The following RB1 variants were observed in gnomAD, a reference collection of about 807,000 sequenced individuals.
The protein encoded by RB1 is RB transcriptional corepressor 1.
A neutral mutation model predicts 135.4 loss-of-function variants in RB1; 18 were observed. The observed-to-expected ratio is 0.13, with a 90% CI of 0.09 to 0.20. RB1 has a LOEUF of 0.20. Among genes scored for constraint, RB1 ranks in the 10% least tolerant of loss-of-function variants. The pLI is 1.00. For synonymous variants in RB1, 365 were observed against 373.2 expected, an observed-to-expected ratio of 0.98 and a Z score of 0.25; for missense variants, 868 against 1,110.0, an observed-to-expected ratio of 0.78 and a Z score of 3.10.
Position 48,463,850 on chromosome 13 carries a change from A to G in RB1, c.2211+15A>G, listed in dbSNP as rs376465035. On this transcript the variant is annotated intron_variant, in intron 21 of 26. Transcript: ENST00000267163. ...CTGTTCAGGAGGTAGGTAATTTTCC[A>G]TAGTAAGTTTTTTTGATAAATCCAT... The G allele has an allele frequency of 5.8e-5, 87 of 1,512,014 alleles. No individual in the cohort carries two copies. The highest frequency in any genetic ancestry group is 1.7e-4 in the Middle Eastern group (1 of 5,824). 93.7% of individuals were successfully genotyped at this position (1,512,014 alleles called of 1,614,324 possible).
At chr13:48,396,628 A>C (rs1027121054) in intron 17 of RB1, among the ~76,000 whole-genome samples, 1 of 152,240 alleles carries the variant, frequency 6.6e-6, no homozygotes, top group Non-Finnish European at 1.5e-5. Context: ...AATGGCAACA[A>C]AAGCCAAAAT....
intron 19 of RB1, among the ~76,000 whole-genome samples, chr13:48,456,729 C>A (rs1949363001): frequency 6.6e-6 from 1 of 152,198 alleles, no homozygotes; most frequent in Admixed American, 6.5e-5. Context: ...CTGGCCATTG[C>A]CCACAGTCAG....
At chr13:48,389,075 G>A (rs182230801) in intron 17 of RB1, among the ~76,000 whole-genome samples, 215 of 152,168 alleles carry the variant, frequency 1.4e-3, no homozygotes, top group Non-Finnish European at 2.5e-3. Context: ...CATGAGAATC[G>A]CTTGAGCCCG....
chr13:48,462,475 G>T (rs1039990634), intron 20 of RB1, among the ~76,000 whole-genome samples: 1 of 151,998 alleles, frequency 6.6e-6, no homozygotes, highest in Non-Finnish European at 1.5e-5. Context: ...AACTGTAAGG[G>T]GTCATTATGT....
intron 7 of RB1, 38 bp from the exon 8 acceptor site, chr13:48,362,777 A>T (rs751003341): frequency 1.3e-6 from 2 of 1,584,506 alleles, no homozygotes; most frequent in South Asian, 2.2e-5. Context: ...TATATGATGG[A>T]TGTACAATTG....
intron 2 of RB1, among the ~76,000 whole-genome samples, chr13:48,327,680 G>A (rs1289398369): frequency 2.6e-5 from 4 of 152,186 alleles, no homozygotes; most frequent in Admixed American, 2.0e-4. Flanking sequence ...GCTATTCCTG[G>A]GAGCCAGACA....
At chr13:48,355,589 A>G (rs1952582974) in intron 6 of RB1, among the ~76,000 whole-genome samples, 1 of 152,172 alleles carries the variant, frequency 6.6e-6, no homozygotes, top group Non-Finnish European at 1.5e-5. Context: ...AACGAAAGGA[A>G]GTCAGTATAT....
rs561589135 is a variant in RB1 at position 48,442,367 on chromosome 13, A to AT, written c.1696-10620dup. 2.0e-4 allele frequency among the ~76,000 whole-genome samples: 30 copies of AT among 152,040 alleles called. 1 individual carries two copies. The South Asian group carries it at 5.4e-3, about 27-fold the overall frequency. On this transcript the variant is annotated intron_variant, in intron 17 of 26. Transcript: ENST00000267163. ...AGGCGCATGCAACCATGCCCGGCTA[A>AT]TTTTTTGTATTTTTTGTAGAGATGG...
intron 6 of RB1, 55 bp downstream of exon 6, chr13:48,349,078 G>A (rs553934083): frequency 5.2e-6 from 8 of 1,528,730 alleles, no homozygotes; most frequent in Admixed American, 1.8e-5. Flanking sequence ...AATTAAATTG[G>A]CATTCCTTTG....
chr13:48,444,262 A>G (rs1008636682), intron 17 of RB1, among the ~76,000 whole-genome samples: 1 of 152,184 alleles, frequency 6.6e-6, no homozygotes, highest in Non-Finnish European at 1.5e-5. Context: ...CAAGCCTGTA[A>G]TCCCAGCACT....
At chr13:48,376,877 A>T (rs200311543) in intron 12 of RB1, 41 bp from the exon 13 acceptor site, 2 of 1,611,516 alleles carry the variant, frequency 1.2e-6, no homozygotes, top group African/African-American at 2.7e-5. Flanking sequence ...TTCTGATTAC[A>T]CAGTATCCTC....
At chr13:48,442,597 C>A (rs1320235239) in intron 17 of RB1, among the ~76,000 whole-genome samples, 1 of 152,088 alleles carries the variant, frequency 6.6e-6, no homozygotes, top group African/African-American at 2.4e-5. Flanking sequence ...AGGAGGAAGA[C>A]CCTCACTGAA....
At chr13:48,435,932 C>CTAG (rs1949178827) in intron 17 of RB1, among the ~76,000 whole-genome samples, 1 of 152,120 alleles carries the variant, frequency 6.6e-6, no homozygotes, top group Non-Finnish European at 1.5e-5. Context: ...AATGTCAGTG[C>CTAG]TCTAAGCAGC....
rs78535436 is a variant in RB1 at position 48,390,351 on chromosome 13, A to G, written c.1695+8908A>G. 1.9e-3 allele frequency among the ~76,000 whole-genome samples: 284 copies of G among 152,330 alleles called. 11 individuals carry two copies. The East Asian group carries it at 0.044, about 23-fold the overall frequency. ...GTTTCACCTTAGAATTTCTGGAGAC[A>G]GAACATTTCTGGGTAGTTTACTGTA... On this transcript the variant is annotated intron_variant, in intron 17 of 26. Transcript: ENST00000267163.
At chr13:48,332,986 A>G in intron 2 of RB1, 1 of 398,320 alleles carries the variant, frequency 2.5e-6, no homozygotes, top group Non-Finnish European at 4.4e-6. Context: ...AATAAAAAGT[A>G]TGTGAATGTA....
intron 11 of RB1, among the ~76,000 whole-genome samples, chr13:48,370,209 A>G (rs1007427345): frequency 2.8e-4 from 42 of 152,198 alleles, no homozygotes; most frequent in Non-Finnish European, 2.4e-4. Flanking sequence ...ATTGTGAAAC[A>G]TGTAAGTGGA....
chr13:48,347,345 C>T (rs1225235293), intron 4 of RB1, among the ~76,000 whole-genome samples: 2 of 152,032 alleles, frequency 1.3e-5, no homozygotes, highest in Non-Finnish European at 2.9e-5. Context: ...TCAGGATGTA[C>T]TTTGATATTG....
In RB1 at chr13:48,471,573, T is replaced by A. The variant is rs9526477; in HGVS notation, c.2490-1787T>A. On this transcript the variant is annotated intron_variant, in intron 23 of 26. Coordinates refer to ENST00000267163, the MANE Select transcript of RB1 (RefSeq NM_000321.3). ...CTTAGAGTATAATAAAAAATATAAA[T>A]AAAAAAAAAAAAAAGAAAATCTATT... Among the ~76,000 whole-genome samples, 304 of 133,964 alleles carry A rather than the reference T, an allele frequency of 2.3e-3. 3 individuals are homozygous for A. The highest frequency in any genetic ancestry group is 7.5e-3 in the African/African-American group (275 of 36,738). 87.9% of individuals were successfully genotyped at this position (133,964 alleles called of 152,430 possible). A position where few individuals can be genotyped will look rare whatever the true frequency, so the allele number is the denominator to read the frequency against.
chr13:48,319,598 C>A lies in RB1; in HGVS notation c.264+12192C>A. On this transcript the variant is annotated intron_variant, in intron 2 of 26. Coordinates refer to ENST00000267163, the MANE Select transcript of RB1 (RefSeq NM_000321.3). This position sits in a 1 kb window ranked among gnomAD's most constrained non-coding sequence, Gnocchi z 5.0. Reference sequence around the variant, plus strand: ...TGAGGCTTCTGGGCTGCACGTTCGTCTTTGCTAACCGGGGAGGTTTGCGAA... The same window carrying A: ...TGAGGCTTCTGGGCTGCACGTTCGTATTTGCTAACCGGGGAGGTTTGCGAA... 1 of 247,512 alleles carries A rather than the reference C, an allele frequency of 4.0e-6. No homozygotes were observed. The highest frequency in any genetic ancestry group is 5.8e-5 in the South Asian group (1 of 17,234). The allele number at this position is 247,512 out of a possible 1,614,324, so 15.3% of individuals were successfully genotyped here.
Sources: allele counts gnomAD v4.1 joint callset (sites outside exome capture counted in the v4.1 genomes callset), GRCh38; gene constraint gnomAD v4.1.1; non-coding constraint Gnocchi (gnomAD v3.1); transcripts MANE v1.5; gene names NCBI Gene and HGNC (gene_info 2026-07-23, HGNC 2026-07-21).